UNKL: variants seen among roughly 807,000 people sequenced by gnomAD.
UNKL encodes the protein putative E3 ubiquitin-protein ligase UNKL.
Under a neutral mutation model 78.0 loss-of-function variants are expected in UNKL, and 60 were observed. That is an observed-to-expected ratio of 0.77 (90% CI 0.63 to 0.95). The LOEUF (loss-of-function observed/expected upper bound fraction) is 0.95. Among genes scored for constraint, UNKL ranks in the 40% least tolerant of loss-of-function variants. The pLI is 0.00. For missense variants in UNKL, 1,159 were observed against 1,045.7 expected (o/e 1.11, Z -1.49); for synonymous variants, 608 against 474.8 (o/e 1.28, Z -3.65).
intron 7 of UNKL, among the ~76,000 whole-genome samples, chr16:1,393,525 G>A (rs1223719498): frequency 2.0e-5 from 3 of 152,022 alleles, no homozygotes; most frequent in Admixed American, 2.0e-4. Context: ...AGGAGGCCGC[G>A]TGGGTTCCCA....
intron 6 of UNKL, among the ~76,000 whole-genome samples, chr16:1,395,969 G>T (rs1419930605): frequency 6.6e-6 from 1 of 152,142 alleles, no homozygotes; most frequent in Non-Finnish European, 1.5e-5. Flanking sequence ...TTTAGATAGA[G>T]TCTTGCTCTA....
rs1251695871 is a variant in UNKL at position 1,367,663 on chromosome 16, A to T, written c.1781T>A (p.Val594Glu). ...GCCCCCCCACACACTCACCTGCTTC[A>T]CCTGCTGCCAGGACTCCTCCCACTG... ...IRQWEESWQQVKQVCDAWQRE... is the reference protein window; with the variant it reads ...IRQWEESWQQEKQVCDAWQRE... Residue 594 changes from valine (V) to glutamate (E), a missense_variant, in exon 13 of 15, where the codon GTG becomes GAG. By Grantham distance (121) the Val-to-Glu change is moderately radical. Coordinates refer to ENST00000389221, the MANE Select transcript of UNKL (RefSeq NM_001372107.1). 1 of 1,536,672 alleles carries T rather than the reference A, an allele frequency of 6.5e-7. No homozygotes were observed. Among genetic ancestry groups the T allele is most frequent in the Non-Finnish European group, 8.7e-7 (1 of 1,143,682 alleles).
At chr16:1,377,562 G>C (rs2036327968) in intron 10 of UNKL, among the ~76,000 whole-genome samples, 1 of 151,700 alleles carries the variant, frequency 6.6e-6, no homozygotes, top group Admixed American at 6.6e-5. Flanking sequence ...GCCCACCGCT[G>C]CCCCGGGCCC....
At chr16:1,413,736 G>T in intron 2 of UNKL, 110 bp downstream of exon 2, 1 of 1,226,688 alleles carries the variant, frequency 8.2e-7, no homozygotes, top group Non-Finnish European at 1.1e-6. Flanking sequence ...GACTCCCTCT[G>T]CAGGGGCCAG....
rs1043735302 is a variant in UNKL at position 1,387,440 on chromosome 16, G to C, written c.1087-2055C>G. Among the ~76,000 whole-genome samples, 1 of 152,286 alleles carries C rather than the reference G, an allele frequency of 6.6e-6. No individual in the cohort carries two copies. The highest frequency in any genetic ancestry group is 1.9e-4 in the East Asian group (1 of 5,186). On this transcript the variant is annotated intron_variant, in intron 9 of 14. Coordinates refer to ENST00000389221, the MANE Select transcript of UNKL (RefSeq NM_001372107.1). This position sits in a 1 kb window ranked among gnomAD's most constrained non-coding sequence, Gnocchi z 4.1. ...AGACCCTCAGTGTGGCCCCAGGAAG[G>C]CTGAGAAGGACCTCTTGACAGACGT...
intron 6 of UNKL, chr16:1,394,485 T>G (rs1426589633): frequency 3.2e-6 from 2 of 634,174 alleles, no homozygotes; most frequent in African/African-American, 3.6e-5. Flanking sequence ...ATTTCCCCGC[T>G]TGATATTTTC....
At chr16:1,391,667 TCTC>T (rs773490701) in intron 8 of UNKL, among the ~76,000 whole-genome samples, 1 of 151,698 alleles carries the variant, frequency 6.6e-6, no homozygotes, top group East Asian at 1.9e-4. Context: ...CCCTGTCGGT[TCTC>T]CTGAGTTCCA....
Position 1,371,750 on chromosome 16 carries a change from G to C in UNKL, c.1265-139C>G, listed in dbSNP as rs2035857756. ...GGCGTGGGAGTTGCTGGGGCAGCCA[G>C]GGAAGGACACCCCCAGCCCGTCCTC... On this transcript the variant is annotated intron_variant, in intron 10 of 14. Transcript: ENST00000389221. The C allele has an allele frequency of 8.1e-6, 7 of 861,782 alleles. No homozygotes were observed. In the South Asian group the frequency reaches 1.2e-4, roughly 15 times the overall value. 53.4% of individuals were successfully genotyped at this position (861,782 alleles called of 1,614,324 possible). A position where few individuals can be genotyped will look rare whatever the true frequency, so the allele number is the denominator to read the frequency against.
At position 1,370,375 on chromosome 16, in the gene UNKL, G is replaced by A. The variant is rs555995869; in HGVS notation, c.1358-18C>T. ...CCTGGGACCTGGCGGGGGCGGACCA[G>A]TCAGCGAAGGGAGTACCGCCAGGCC... On this transcript the variant is annotated intron_variant, in intron 11 of 14. Coordinates refer to ENST00000389221, the MANE Select transcript of UNKL (RefSeq NM_001372107.1). 1.2e-5 allele frequency: 18 copies of A among 1,531,354 alleles called. No homozygotes were observed. Among genetic ancestry groups the A allele is most frequent in the South Asian group, 4.8e-5 (4 of 83,782 alleles). The allele number at this position is 1,531,354 out of a possible 1,614,324, so 94.9% of individuals were successfully genotyped here. A position where few individuals can be genotyped will look rare whatever the true frequency, so the allele number is the denominator to read the frequency against.
At chr16:1,370,734 A>G (rs1237239131) in intron 11 of UNKL, among the ~76,000 whole-genome samples, 1 of 152,220 alleles carries the variant, frequency 6.6e-6, no homozygotes, top group Non-Finnish European at 1.5e-5. Context: ...CTTTTAAAAG[A>G]AAGAAAAGAT....
intron 5 of UNKL, chr16:1,398,681 A>ATCC: frequency 2.9e-6 from 2 of 694,534 alleles, no homozygotes; most frequent in South Asian, 2.2e-5. Flanking sequence ...TGGGGTCTGC[A>ATCC]CCCCCCCACC....
At chr16:1,414,087 C>A (rs970077245) in intron 1 of UNKL, 32 bp from the exon 2 acceptor site, 4 of 1,520,334 alleles carry the variant, frequency 2.6e-6, no homozygotes, top group Non-Finnish European at 3.6e-6. Context: ...CGGCTCGCTT[C>A]CGGCAGCACC....
intron 10 of UNKL, among the ~76,000 whole-genome samples, chr16:1,371,846 C>G (rs936793169): frequency 5.9e-5 from 9 of 152,218 alleles, no homozygotes; most frequent in African/African-American, 2.2e-4. Flanking sequence ...GTGGGACGCC[C>G]CGCACCACAG....
chr16:1,367,129 T>C lies in UNKL; in HGVS notation c.2009A>G (p.Gln670Arg), dbSNP rs775535716. The change falls in exon 14 of 15, where the codon CAG (glutamine) becomes CGG (arginine). Residue 670 changes from glutamine to arginine, a missense_variant. By Grantham distance (43) the Gln-to-Arg change is conservative (BLOSUM62 1). Transcript: ENST00000389221. The part of the protein sequence containing the change: ...TIPLPKLHSL[Q>R]SQLRLDLEAV... ...CTCCAGGTCCAGGCGCAGCTGACTCTGCAGCGAGTGCAGCTTCGGCAGGGG... is the reference window on the plus strand; with the variant it reads ...CTCCAGGTCCAGGCGCAGCTGACTCCGCAGCGAGTGCAGCTTCGGCAGGGG... 6.9e-6 allele frequency: 11 copies of C among 1,592,966 alleles called. No homozygotes were observed. The South Asian group carries it at 1.3e-4, about 18-fold the overall frequency.
intron 10 of UNKL, among the ~76,000 whole-genome samples, chr16:1,374,142 GGGC>G (rs2036027357): frequency 5.3e-5 from 4 of 75,912 alleles, no homozygotes; most frequent in Admixed American, 1.8e-4. Flanking sequence ...CAGCAGCGTG[GGGC>G]ACACCACACA....
chr16:1,388,505 C>G (rs766236332), intron 9 of UNKL, among the ~76,000 whole-genome samples: 3 of 152,184 alleles, frequency 2.0e-5, no homozygotes, highest in Non-Finnish European at 4.4e-5. Context: ...AGTGACCCCC[C>G]AGACCCCATG....
Position 1,363,469 on chromosome 16 carries a change from G to C in UNKL, c.*2771C>G. On this transcript the variant is annotated 3_prime_UTR_variant, in exon 15 of 15. Transcript: ENST00000389221. ...GCGTCCACGCGGAACAAGGTCTGCT[G>C]ACCACAGTTACACACGTCGTGACAC... 1 of 336,364 alleles carries C rather than the reference G, an allele frequency of 3.0e-6. No individual in the cohort carries two copies. Among genetic ancestry groups the C allele is most frequent in the East Asian group, 8.0e-5 (1 of 12,486 alleles). The allele number at this position is 336,364 out of a possible 1,614,324, so 20.8% of individuals were successfully genotyped here. A position where few individuals can be genotyped will look rare whatever the true frequency, so the allele number is the denominator to read the frequency against.
intron 3 of UNKL, among the ~76,000 whole-genome samples, chr16:1,402,117 C>T (rs1020962935): frequency 6.6e-6 from 1 of 152,230 alleles, no homozygotes; most frequent in African/African-American, 2.4e-5. Context: ...TCTGCAGCCC[C>T]AGACCATGTG....
chr16:1,371,699 G>C, intron 10 of UNKL, 88 bp from the exon 11 acceptor site: 1 of 1,365,540 alleles, frequency 7.3e-7, no homozygotes. Flanking sequence ...GTCCCACCTG[G>C]GCTTAGAGTG....
Sources: allele counts gnomAD v4.1 joint callset (sites outside exome capture counted in the v4.1 genomes callset), GRCh38; gene constraint gnomAD v4.1.1; non-coding constraint Gnocchi (gnomAD v3.1); transcripts MANE v1.5; gene names NCBI Gene and HGNC (gene_info 2026-07-23, HGNC 2026-07-21).